RXFP1: variants seen among roughly 807,000 people sequenced by gnomAD.
RXFP1 encodes the protein relaxin receptor 1.
A neutral mutation model predicts 89.8 loss-of-function variants in RXFP1; 73 were observed. The ratio of observed to expected loss-of-function variants is 0.81; its 90% CI spans 0.67 to 0.99. The LOEUF is 0.99. Among genes scored for constraint, RXFP1 ranks in the 50% least tolerant of loss-of-function variants. The pLI is 0.00. For missense variants in RXFP1, 793 were observed against 895.5 expected (o/e 0.89, Z 1.46); for synonymous variants, 277 against 305.5 (o/e 0.91, Z 0.97).
At chr4:158,536,869 A>T (rs77966166) in intron 1 of RXFP1, among the ~76,000 whole-genome samples, 287 of 152,258 alleles carry the variant, frequency 1.9e-3, no homozygotes, top group African/African-American at 6.4e-3. Context: ...CCAGGAAATC[A>T]TATACACTTT....
chr4:158,599,760 A>G (rs1166912889), intron 4 of RXFP1, among the ~76,000 whole-genome samples: 2 of 152,214 alleles, frequency 1.3e-5, no homozygotes, highest in African/African-American at 4.8e-5. Context: ...CTTTCCTATT[A>G]TATAGAATTT....
chr4:158,620,975 A>T (rs1765513916), intron 9 of RXFP1, among the ~76,000 whole-genome samples: 1 of 151,890 alleles, frequency 6.6e-6, no homozygotes, highest in Non-Finnish European at 1.5e-5. Flanking sequence ...TTTTTTAAAA[A>T]ATTAGCTGAG....
intron 4 of RXFP1, among the ~76,000 whole-genome samples, chr4:158,603,921 AT>A (rs1762138274): frequency 1.3e-5 from 2 of 148,326 alleles, no homozygotes; most frequent in African/African-American, 4.9e-5. Flanking sequence ...AATAATAATA[AT>A]AATAATACAG....
intron 1 of RXFP1, among the ~76,000 whole-genome samples, chr4:158,547,177 G>T (rs146495043): frequency 6.6e-6 from 1 of 152,068 alleles, no homozygotes; most frequent in Non-Finnish European, 1.5e-5. Context: ...TTTAGTCTTG[G>T]GGGGGTGTAT....
chr4:158,542,966 G>C (rs1747194854), intron 1 of RXFP1, among the ~76,000 whole-genome samples: 1 of 152,162 alleles, frequency 6.6e-6, no homozygotes, highest in East Asian at 1.9e-4. Context: ...TGAGGGTGGA[G>C]GGTGGGAGGA....
intron 1 of RXFP1, among the ~76,000 whole-genome samples, chr4:158,562,523 CAAAAAAAA>C (rs55944906): frequency 0.04 from 1,022 of 25,338 alleles, 11 homozygotes; most frequent in South Asian, 0.099. Context: ...GACTCCGTCT[CAAAAAAAA>C]AAAAAAAAAA....
intron 1 of RXFP1, among the ~76,000 whole-genome samples, chr4:158,571,505 G>A (rs1315349226): frequency 6.6e-6 from 1 of 152,002 alleles, no homozygotes; most frequent in Non-Finnish European, 1.5e-5. Context: ...CGTCTCTACT[G>A]AAAATATAAA....
intron 12 of RXFP1, among the ~76,000 whole-genome samples, chr4:158,636,957 A>G (rs1189150597): frequency 6.6e-6 from 1 of 152,046 alleles, no homozygotes; most frequent in African/African-American, 2.4e-5. Context: ...CATGAGTTCA[A>G]CTTTTTTAGA....
chr4:158,637,166 C>G lies in RXFP1; in HGVS notation c.972-842C>G, dbSNP rs184574785. Among the ~76,000 whole-genome samples the G allele has an allele frequency of 1.5e-3, 221 of 152,190 alleles. 1 individual carries two copies. The highest frequency in any genetic ancestry group is 5.2e-3 in the African/African-American group (216 of 41,526). ...CCTTTGATGGACACTTGGGTTGAAT[C>G]CATACCTTGGCTATTATGAATAATG... On this transcript the variant is annotated intron_variant, in intron 12 of 17. Transcript: ENST00000307765.
chr4:158,577,965 T>C (rs1218274139), intron 2 of RXFP1, among the ~76,000 whole-genome samples: 2 of 152,198 alleles, frequency 1.3e-5, no homozygotes, highest in East Asian at 3.8e-4. Context: ...ACAAAGAGCA[T>C]GACATTAACT....
At chr4:158,547,531 A>G (rs866636505) in intron 1 of RXFP1, among the ~76,000 whole-genome samples, 20 of 150,824 alleles carry the variant, frequency 1.3e-4, no homozygotes, top group African/African-American at 4.9e-4. Context: ...AGTTATTTTA[A>G]TTGTGACGTT....
At chr4:158,544,037 G>T in intron 1 of RXFP1, 3 of 985,174 alleles carry the variant, frequency 3.0e-6, no homozygotes, top group Non-Finnish European at 3.6e-6. Context: ...CATGAGATCG[G>T]ATCAATTCAG....
intron 4 of RXFP1, among the ~76,000 whole-genome samples, chr4:158,603,837 C>A (rs778329059): frequency 2.7e-5 from 4 of 150,532 alleles, no homozygotes; most frequent in Non-Finnish European, 5.9e-5. Flanking sequence ...TTGCAGTGAG[C>A]CGAGATCATG....
intron 2 of RXFP1, among the ~76,000 whole-genome samples, chr4:158,587,336 C>T (rs1366281847): frequency 6.6e-6 from 1 of 152,226 alleles, no homozygotes; most frequent in Non-Finnish European, 1.5e-5. Context: ...TATAACCACT[C>T]ATAACACTAC....
chr4:158,531,287 C>G (rs562431770), intron 1 of RXFP1, among the ~76,000 whole-genome samples: 10 of 152,334 alleles, frequency 6.6e-5, no homozygotes, highest in Non-Finnish European at 1.3e-4. Flanking sequence ...CTGCCTACCT[C>G]AGCCTCCTGA....
intron 2 of RXFP1, 145 bp downstream of exon 2, chr4:158,572,980 G>A (rs1241636364): frequency 2.5e-6 from 3 of 1,208,888 alleles, no homozygotes; most frequent in Non-Finnish European, 2.2e-6. Context: ...ACTTATTTCA[G>A]TAGCTTAAAA....
intron 14 of RXFP1, among the ~76,000 whole-genome samples, chr4:158,642,939 T>C (rs1159466785): frequency 6.6e-6 from 1 of 152,158 alleles, no homozygotes; most frequent in East Asian, 1.9e-4. Flanking sequence ...TTTAATACAG[T>C]AGCTTGAGGA....
intron 1 of RXFP1, among the ~76,000 whole-genome samples, chr4:158,538,485 G>A (rs2149817358): frequency 6.6e-6 from 1 of 152,324 alleles, no homozygotes; most frequent in Admixed American, 6.5e-5. Context: ...TGAATTGTGA[G>A]TCAGAGAGAA....
chr4:158,541,324 T>C (rs1407481270), intron 1 of RXFP1, among the ~76,000 whole-genome samples: 1 of 138,712 alleles, frequency 7.2e-6, no homozygotes, highest in South Asian at 2.2e-4. Flanking sequence ...TTGTGACTTA[T>C]ACCCAGAATT....
Sources: allele counts gnomAD v4.1 joint callset (sites outside exome capture counted in the v4.1 genomes callset), GRCh38; gene constraint gnomAD v4.1.1; transcripts MANE v1.5; gene names NCBI Gene and HGNC (gene_info 2026-07-23, HGNC 2026-07-21).